The following MAGEB10 variants were observed in gnomAD, a reference collection of about 807,000 sequenced individuals.
MAGEB10 encodes the protein melanoma-associated antigen B10.
For synonymous variants in MAGEB10, 99 were observed against 101.0 expected (o/e 0.98, Z 0.12); for missense variants, 190 against 261.9 (o/e 0.73, Z 1.89).
At chrX:27,817,530 T>G in intron 1 of MAGEB10, 24 bp from the exon 2 acceptor site, 1 of 110,503 alleles carries the variant, frequency 9.0e-6, no homozygotes, top group Non-Finnish European at 1.9e-5. Context: ...TCTTAATTTT[T>G]ATTTACTTAT....
intron 1 of MAGEB10, among the ~76,000 whole-genome samples, chrX:27,813,795 C>A (rs1192583708): frequency 9.0e-6 from 1 of 111,595 alleles, no homozygotes; most frequent in Admixed American, 9.5e-5. Context: ...AGACTAATGC[C>A]TAGAATGAAG....
intron 2 of MAGEB10, among the ~76,000 whole-genome samples, chrX:27,817,944 A>G (rs539152938): frequency 8.1e-5 from 9 of 111,235 alleles, no homozygotes; most frequent in Admixed American, 7.7e-4. Flanking sequence ...CAAAGTCCAG[A>G]GAACTCAGGG....
chrX:27,820,632 C>T (rs1334974452), intron 2 of MAGEB10, among the ~76,000 whole-genome samples: 2 of 111,291 alleles, frequency 1.8e-5, no homozygotes, highest in Non-Finnish European at 3.8e-5. Context: ...GCTGAGGTCT[C>T]TCTCACTTTC....
intron 2 of MAGEB10, among the ~76,000 whole-genome samples, chrX:27,818,554 G>A (rs1923824995): frequency 8.9e-6 from 1 of 111,905 alleles, no homozygotes; most frequent in African/African-American, 3.3e-5. Flanking sequence ...TTTAAACAAG[G>A]ATCCAGATGT....
rs1417297774 is a variant in MAGEB10 at position 27,822,916 on chromosome X, G to A, written c.*566G>A. On this transcript the variant is annotated 3_prime_UTR_variant, in exon 3 of 3. Coordinates refer to ENST00000356790, the MANE Select transcript of MAGEB10 (RefSeq NM_182506.3). ...TGTAGTCCTAGCTGCTCAGGAGGCT[G>A]AGGCAGGAGAATGGCGTAAACCCGG... The A allele has an allele frequency of 1.7e-5, 2 of 117,743 alleles. No homozygotes were observed. The highest frequency in any genetic ancestry group is 3.8e-5 in the Non-Finnish European group (2 of 53,182). 9.7% of individuals were successfully genotyped at this position (117,743 alleles called of 1,213,427 possible).
chrX:27,814,397 A>G (rs1602863116), intron 1 of MAGEB10, among the ~76,000 whole-genome samples: 1 of 111,741 alleles, frequency 8.9e-6, no homozygotes, highest in South Asian at 3.8e-4. Flanking sequence ...CATAAATTAT[A>G]GGAGTCTTGA....
At position 27,822,363 on chromosome X, in the gene MAGEB10, A is replaced by AT; in HGVS notation, c.*15dup. 1 of 1,186,775 alleles carries AT rather than the reference A, an allele frequency of 8.4e-7. No individual in the cohort carries two copies. On this transcript the variant is annotated 3_prime_UTR_variant, in exon 3 of 3. Coordinates refer to ENST00000356790, the MANE Select transcript of MAGEB10 (RefSeq NM_182506.3). ...CCAACTGCAGTAAAGTCTGAGGGAG[A>AT]TTCTTCATTTGTGTTTGAAAAGAAA...
chrX:27,809,385 C>T (rs1367376086), intron 1 of MAGEB10, among the ~76,000 whole-genome samples: 1 of 58,904 alleles, frequency 1.7e-5, no homozygotes, highest in African/African-American at 7.1e-5. Flanking sequence ...CCCACCCCCC[C>T]AACCCCGCCA....
intron 1 of MAGEB10, among the ~76,000 whole-genome samples, chrX:27,814,249 G>A (rs1923741841): frequency 9.0e-6 from 1 of 111,019 alleles, no homozygotes; most frequent in African/African-American, 3.3e-5. Flanking sequence ...TCCTAAAAGG[G>A]CATTTTTATT....
chrX:27,822,393 C>T lies in MAGEB10; in HGVS notation c.*43C>T. The T allele has an allele frequency of 2.7e-6, 3 of 1,126,129 alleles. No homozygotes were observed. The highest frequency in any genetic ancestry group is 3.6e-6 in the Non-Finnish European group (3 of 837,810). The allele number at this position is 1,126,129 out of a possible 1,213,427, so 92.8% of individuals were successfully genotyped here. A position where few individuals can be genotyped will look rare whatever the true frequency, so the allele number is the denominator to read the frequency against. ...TCATTTGTGTTTGAAAAGAAATGCA[C>T]ATTCTGAGCTGTGGGAGGTCAGGGT... On this transcript the variant is annotated 3_prime_UTR_variant, in exon 3 of 3. Transcript: ENST00000356790.
In MAGEB10 at chrX:27,822,099, A is replaced by C. The variant is rs1923900927; in HGVS notation, c.793A>C (p.Asn265His). The change falls in exon 3 of 3, where the codon AAC (asparagine) becomes CAC (histidine). Residue 265 changes from asparagine to histidine, a missense_variant. Asn to His is a moderately conservative substitution (Grantham distance 68). Coordinates refer to ENST00000356790, the MANE Select transcript of MAGEB10 (RefSeq NM_182506.3). ...TTACCTGGAGTACCAGCAAGTGCCC[A>C]ACAGTGATCCTCCACGCTATCAATT... is the stretch of plus-strand genomic sequence containing the variant. The part of the protein sequence containing the change: ...ENYLEYQQVP[N>H]SDPPRYQFLW... 2.5e-6 allele frequency: 3 copies of C among 1,210,577 alleles called. No homozygotes were observed. The African/African-American group carries it at 5.2e-5, about 21-fold the overall frequency.
In MAGEB10 at chrX:27,821,944, C is replaced by T. The variant is rs1309164356; in HGVS notation, c.638C>T (p.Thr213Ile). Reference protein sequence around the residue: ...LLMTVLGIIFTNGNCVAEEEV... With the variant: ...LLMTVLGIIFINGNCVAEEEV... Reference sequence around the variant, plus strand: ...ATGACTGTCCTGGGTATTATCTTCACAAATGGCAATTGTGTCGCTGAGGAG... The same window carrying T: ...ATGACTGTCCTGGGTATTATCTTCATAAATGGCAATTGTGTCGCTGAGGAG... Residue 213 changes from threonine to isoleucine, a missense_variant, in exon 3 of 3, where the codon ACA becomes ATA. Thr to Ile is a moderately conservative substitution (Grantham distance 89, BLOSUM62 -1). Transcript: ENST00000356790. 1.7e-6 allele frequency: 2 copies of T among 1,211,969 alleles called. No homozygotes were observed. Among genetic ancestry groups the T allele is most frequent in the Non-Finnish European group, 2.2e-6 (2 of 895,623 alleles).
intron 2 of MAGEB10, among the ~76,000 whole-genome samples, chrX:27,818,774 G>A (rs1040573544): frequency 3.6e-5 from 4 of 111,809 alleles, no homozygotes; most frequent in African/African-American, 1.3e-4. Context: ...AGTATAGGTG[G>A]AGTCCAAATC....
At chrX:27,809,341 C>G (rs1186360957) in intron 1 of MAGEB10, among the ~76,000 whole-genome samples, 2 of 99,952 alleles carry the variant, frequency 2.0e-5, no homozygotes, top group Non-Finnish European at 4.1e-5. Context: ...TGGGGCAGGG[C>G]TCAGGACCTG....
Position 27,822,098 on chromosome X carries a change from C to T in MAGEB10, c.792C>T (p.Pro264=). ...ATTACCTGGAGTACCAGCAAGTGCC[C>T]AACAGTGATCCTCCACGCTATCAAT... ...KENYLEYQQV[P]NSDPPRYQFL... is the part of the protein sequence containing the mutation. Residue 264 remains proline (P), a synonymous_variant, in exon 3 of 3, where the codon CCC becomes CCT. Transcript: ENST00000356790. The T allele has an allele frequency of 8.3e-7, 1 of 1,211,821 alleles. No homozygotes were observed. The highest frequency in any genetic ancestry group is 1.1e-6 in the Non-Finnish European group (1 of 895,529).
chrX:27,819,231 CAG>C (rs1422790553), intron 2 of MAGEB10, among the ~76,000 whole-genome samples: 2 of 110,346 alleles, frequency 1.8e-5, no homozygotes, highest in Non-Finnish European at 3.8e-5. Context: ...CCAGGCCCCC[CAG>C]AGTCAATGAA....
At chrX:27,818,279 G>A (rs769720002) in intron 2 of MAGEB10, among the ~76,000 whole-genome samples, 1 of 111,087 alleles carries the variant, frequency 9.0e-6, no homozygotes, top group Non-Finnish European at 1.9e-5. Flanking sequence ...GTGTAGCAGG[G>A]TTGAGAGCTG....
At chrX:27,821,145 T>C (rs996289513) in intron 2 of MAGEB10, 113 bp from the exon 3 acceptor site, 5 of 453,225 alleles carry the variant, frequency 1.1e-5, no homozygotes, top group Non-Finnish European at 1.9e-5. Flanking sequence ...AATAGGGGCC[T>C]TGTTTTTCCT....
At position 27,822,589 on chromosome X, in the gene MAGEB10, T is replaced by C. The variant is rs1328135768; in HGVS notation, c.*239T>C. On this transcript the variant is annotated 3_prime_UTR_variant, in exon 3 of 3. Coordinates refer to ENST00000356790, the MANE Select transcript of MAGEB10 (RefSeq NM_182506.3). ...GTATGTGAGATTAAGAGTAAGCGAT[T>C]TATTGCTTTATAAGTCTAATTGGGA... The C allele has an allele frequency of 5.4e-6, 2 of 367,156 alleles. No individual in the cohort carries two copies. The highest frequency in any genetic ancestry group is 5.2e-5 in the African/African-American group (2 of 38,808). The allele number at this position is 367,156 out of a possible 1,213,427, so 30.3% of individuals were successfully genotyped here.
Sources: allele counts gnomAD v4.1 joint callset (sites outside exome capture counted in the v4.1 genomes callset), GRCh38; gene constraint gnomAD v4.1.1; transcripts MANE v1.5; gene names NCBI Gene and HGNC (gene_info 2026-07-23, HGNC 2026-07-21).